Variants in CLYBL observed in about 807,000 individuals in gnomAD.
CLYBL encodes the protein citramalyl-CoA lyase, mitochondrial.
Under a neutral mutation model 38.9 loss-of-function variants are expected in CLYBL, and 31 were observed. The ratio of observed to expected loss-of-function variants is 0.80; its 90% CI spans 0.60 to 1.08. CLYBL has a LOEUF of 1.08. Ranked by LOEUF, CLYBL falls within the 50% of genes least tolerant of loss-of-function variation. The probability of loss-of-function intolerance (pLI) is 0.00; values close to 1 mark genes in which losing one functional copy is unlikely to be tolerated. For missense variants in CLYBL, 434 were observed against 411.6 expected (o/e 1.05, Z -0.47); for synonymous variants, 171 against 158.6 (o/e 1.08, Z -0.59).
intron 1 of CLYBL, among the ~76,000 whole-genome samples, chr13:99,623,304 T>C (rs2046823724): frequency 6.6e-6 from 1 of 152,250 alleles, no homozygotes; most frequent in Non-Finnish European, 1.5e-5. Context: ...TCCTAGTAGA[T>C]GTGAAGTTGT....
At chr13:99,842,418 T>G (rs1357406378) in intron 2 of CLYBL, among the ~76,000 whole-genome samples, 1 of 152,224 alleles carries the variant, frequency 6.6e-6, no homozygotes, top group African/African-American at 2.4e-5. Flanking sequence ...TTTTGGGTAG[T>G]GTGTCCTGAA....
intron 1 of CLYBL, among the ~76,000 whole-genome samples, chr13:99,689,302 G>A (rs1227549479): frequency 6.6e-6 from 1 of 152,184 alleles, no homozygotes; most frequent in Non-Finnish European, 1.5e-5. Context: ...CAAGCTTCAG[G>A]GGAGACAGGA....
intron 7 of CLYBL, among the ~76,000 whole-genome samples, chr13:99,884,374 C>T (rs2052292027): frequency 1.3e-5 from 2 of 152,148 alleles, no homozygotes; most frequent in African/African-American, 4.8e-5. Context: ...CCAGAGAGAG[C>T]CATCATGTGC....
chr13:99,666,917 G>A (rs750625915), intron 1 of CLYBL, among the ~76,000 whole-genome samples: 6 of 152,182 alleles, frequency 3.9e-5, no homozygotes, highest in Non-Finnish European at 5.9e-5. Flanking sequence ...ATCACGTGAT[G>A]CTGCCTATAC....
At chr13:99,806,363 T>C (rs1182817946) in intron 2 of CLYBL, among the ~76,000 whole-genome samples, 1 of 152,236 alleles carries the variant, frequency 6.6e-6, no homozygotes, top group South Asian at 2.1e-4. Flanking sequence ...GTTGCCTTAA[T>C]TAGTTTTTAA....
At position 99,609,735 on chromosome 13, in the gene CLYBL, C is replaced by T. The variant is rs9300557; in HGVS notation, c.62+2978C>T. Among the ~76,000 whole-genome samples, 1,153 of 152,046 alleles carry T rather than the reference C, an allele frequency of 7.6e-3. 15 individuals are homozygous for T. The highest frequency in any genetic ancestry group is 0.026 in the African/African-American group (1,082 of 41,452). On this transcript the variant is annotated intron_variant, in intron 1 of 8. Coordinates refer to ENST00000339105, the MANE Select transcript of CLYBL (RefSeq NM_206808.5). ...CTATTCTTTTGTAGAAATCAGGTTT[C>T]GCCATGTTGCTCAGGCTGGTCTCGA...
At chr13:99,871,665 A>T (rs1172850683) in intron 7 of CLYBL, among the ~76,000 whole-genome samples, 1 of 152,182 alleles carries the variant, frequency 6.6e-6, no homozygotes, top group Non-Finnish European at 1.5e-5. Flanking sequence ...GGTTTCTGCT[A>T]TGTAAATATT....
chr13:99,640,498 G>T (rs958306248), intron 1 of CLYBL, among the ~76,000 whole-genome samples: 31 of 152,202 alleles, frequency 2.0e-4, no homozygotes. Context: ...TGAGAATGTG[G>T]TTTTTCCCTG....
exon 10 of CLYBL, among the ~76,000 whole-genome samples, chr13:99,908,845 A>G (rs1162629624): frequency 2.6e-5 from 4 of 152,226 alleles, no homozygotes; most frequent in African/African-American, 4.8e-5. Flanking sequence ...TCACTGAATG[A>G]ATGAATCAGT....
intron 2 of CLYBL, among the ~76,000 whole-genome samples, chr13:99,799,223 T>G (rs1304086260): frequency 6.6e-6 from 1 of 152,186 alleles, no homozygotes; most frequent in Non-Finnish European, 1.5e-5. Context: ...CTGAGAATTA[T>G]AGAGCTGGAA....
intron 1 of CLYBL, among the ~76,000 whole-genome samples, chr13:99,671,949 C>T (rs998214666): frequency 2.0e-5 from 3 of 152,248 alleles, no homozygotes; most frequent in East Asian, 1.9e-4. Context: ...CTCACATCCT[C>T]GCCCTCACTC....
chr13:99,809,513 G>A (rs1019180798), intron 2 of CLYBL, among the ~76,000 whole-genome samples: 1 of 152,252 alleles, frequency 6.6e-6, no homozygotes, highest in African/African-American at 2.4e-5. Flanking sequence ...GTTGGGGGAA[G>A]GCATTCCCCT....
intron 1 of CLYBL, among the ~76,000 whole-genome samples, chr13:99,712,213 A>T (rs2048244919): frequency 6.6e-6 from 1 of 151,996 alleles, no homozygotes; most frequent in Non-Finnish European, 1.5e-5. Flanking sequence ...TATACCCCTG[A>T]TACACACTTC....
intron 1 of CLYBL, among the ~76,000 whole-genome samples, chr13:99,707,344 A>G (rs137919237): frequency 6.6e-6 from 1 of 152,100 alleles, no homozygotes; most frequent in East Asian, 1.9e-4. Flanking sequence ...ATCTCGGCTC[A>G]CTGCAACCTC....
At chr13:99,663,800 G>A (rs2047442210) in intron 1 of CLYBL, among the ~76,000 whole-genome samples, 1 of 152,126 alleles carries the variant, frequency 6.6e-6, no homozygotes, top group Admixed American at 6.5e-5. Context: ...TAGGGACCCC[G>A]TTTTACTCCT....
At chr13:99,893,080 T>TC (rs1364695935), downstream of CLYBL, 1 of 152,244 alleles carries the variant, frequency 6.6e-6, no homozygotes, top group African/African-American at 2.4e-5. Context: ...TGGCACATGC[T>TC]CCGTGGGGTC....
At chr13:99,848,412 TA>T (rs1327970005) in intron 2 of CLYBL, among the ~76,000 whole-genome samples, 3 of 152,200 alleles carry the variant, frequency 2.0e-5, no homozygotes, top group African/African-American at 7.2e-5. Flanking sequence ...TCCCTCTGGA[TA>T]AAAAGTTTTA....
chr13:99,783,683 G>T (rs1020849727), intron 2 of CLYBL, among the ~76,000 whole-genome samples: 1 of 151,968 alleles, frequency 6.6e-6, no homozygotes. Context: ...CTGACCTTAT[G>T]ATCCGCCCGC....
At chr13:99,754,087 C>CAA (rs71121003) in intron 1 of CLYBL, among the ~76,000 whole-genome samples, 7,014 of 45,096 alleles carry the variant, frequency 0.16, 1,745 homozygotes, top group African/African-American at 0.17. Flanking sequence ...AACTCGGTCT[C>CAA]AAAAAAAAAA....
Sources: allele counts gnomAD v4.1 joint callset (sites outside exome capture counted in the v4.1 genomes callset), GRCh38; gene constraint gnomAD v4.1.1; transcripts MANE v1.5; gene names NCBI Gene and HGNC (gene_info 2026-07-23, HGNC 2026-07-21).